Variants in PTPRT observed in about 807,000 individuals in gnomAD.
PTPRT encodes the protein protein tyrosine phosphatase receptor type T.
A neutral mutation model predicts 176.8 loss-of-function variants in PTPRT; 56 were observed. The ratio of observed to expected loss-of-function variants is 0.32; its 90% CI spans 0.26 to 0.40. The LOEUF (loss-of-function observed/expected upper bound fraction) is 0.40. PTPRT is among the 10% of genes least tolerant of loss of function. PTPRT has a pLI of 1.00. For missense variants in PTPRT, 1,540 were observed against 1,908.2 expected (o/e 0.81, Z 3.60); for synonymous variants, 783 against 739.0 (o/e 1.06, Z -0.96).
intron 1 of PTPRT, among the ~76,000 whole-genome samples, chr20:43,079,295 A>C (rs2011373968): frequency 6.7e-6 from 1 of 148,498 alleles, no homozygotes; most frequent in Non-Finnish European, 1.5e-5. Flanking sequence ...CCTTCAGTCA[A>C]CTCTCAGGAT....
intron 13 of PTPRT, among the ~76,000 whole-genome samples, chr20:42,278,581 T>G (rs2057086998): frequency 6.6e-6 from 1 of 151,948 alleles, no homozygotes; most frequent in African/African-American, 2.4e-5. Context: ...AGGACATCAG[T>G]GGGTAAGAGA....
chr20:42,545,236 G>A (rs140923536), intron 7 of PTPRT, among the ~76,000 whole-genome samples: 3 of 152,240 alleles, frequency 2.0e-5, no homozygotes, highest in African/African-American at 7.2e-5. Flanking sequence ...CCGTAGTACC[G>A]GTCAAGCCAC....
At chr20:42,959,029 C>T (rs933060351) in intron 1 of PTPRT, among the ~76,000 whole-genome samples, 1 of 152,294 alleles carries the variant, frequency 6.6e-6, no homozygotes, top group East Asian at 1.9e-4. Context: ...CAACTCATTT[C>T]TCAACTATTC....
intron 1 of PTPRT, among the ~76,000 whole-genome samples, chr20:42,905,479 T>G (rs369361368): frequency 6.6e-6 from 1 of 152,158 alleles, no homozygotes; most frequent in African/African-American, 2.4e-5. Context: ...GGAGTGTAAA[T>G]TAGTTCAACC....
intron 11 of PTPRT, among the ~76,000 whole-genome samples, chr20:42,350,236 T>C (rs1187559415): frequency 1.4e-5 from 2 of 142,984 alleles, no homozygotes; most frequent in Non-Finnish European, 3.1e-5. Context: ...TTTTTTTTTT[T>C]TTTTTTTTTT....
At chr20:42,095,116 A>G (rs1029434467) in intron 27 of PTPRT, among the ~76,000 whole-genome samples, 6 of 151,810 alleles carry the variant, frequency 4.0e-5, no homozygotes, top group African/African-American at 1.5e-4. Context: ...AGTTCAACCA[A>G]CCTCACCTGC....
intron 15 of PTPRT, among the ~76,000 whole-genome samples, chr20:42,228,626 T>C (rs2056070238): frequency 6.6e-6 from 1 of 152,190 alleles, no homozygotes; most frequent in African/African-American, 2.4e-5. Context: ...TAGGCCAAAA[T>C]AAGTGAACAT....
intron 2 of PTPRT, among the ~76,000 whole-genome samples, chr20:42,834,689 A>ACC (rs2078151046): frequency 6.6e-6 from 1 of 152,024 alleles, no homozygotes; most frequent in Admixed American, 6.6e-5. Flanking sequence ...AATTCACCGT[A>ACC]CCCCACCACC....
intron 1 of PTPRT, among the ~76,000 whole-genome samples, chr20:43,064,887 T>C (rs1018586688): frequency 2.6e-5 from 4 of 152,182 alleles, no homozygotes; most frequent in African/African-American, 2.4e-5. Context: ...AAAACAGAGC[T>C]TATTTCTAGA....
At chr20:42,810,208 C>A (rs995364585) in intron 2 of PTPRT, among the ~76,000 whole-genome samples, 3 of 152,082 alleles carry the variant, frequency 2.0e-5, no homozygotes, top group Admixed American at 6.5e-5. Flanking sequence ...GCAGAAGAAT[C>A]GCTTGAACCC....
At chr20:42,307,189 T>A (rs570051702) in intron 12 of PTPRT, among the ~76,000 whole-genome samples, 1 of 152,334 alleles carries the variant, frequency 6.6e-6, no homozygotes, top group African/African-American at 2.4e-5. Flanking sequence ...AGTGTGGCCA[T>A]GTGGTTAGCC....
At chr20:42,096,742 C>G (rs1006515614) in intron 27 of PTPRT, among the ~76,000 whole-genome samples, 1 of 150,992 alleles carries the variant, frequency 6.6e-6, no homozygotes, top group East Asian at 1.9e-4. Context: ...TGGCACCATG[C>G]CTGGCTAATT....
rs760752131 is a variant in PTPRT at position 42,076,519 on chromosome 20, G to A, written c.*4360C>T. 33 of 204,536 alleles carry A rather than the reference G, an allele frequency of 1.6e-4. No individual in the cohort carries two copies. Among genetic ancestry groups the A allele is most frequent in the Non-Finnish European group, 3.1e-4 (31 of 99,936 alleles). The allele number at this position is 204,536 out of a possible 1,614,324, so 12.7% of individuals were successfully genotyped here. A position where few individuals can be genotyped will look rare whatever the true frequency, so the allele number is the denominator to read the frequency against. ...CCCAACTGGAAGATGCCTTAGTTGAGGTCCCCTCATGAACAGTGAGGTCAG... is the reference window on the plus strand; with the variant it reads ...CCCAACTGGAAGATGCCTTAGTTGAAGTCCCCTCATGAACAGTGAGGTCAG... On this transcript the variant is annotated 3_prime_UTR_variant, in exon 31 of 31. Coordinates refer to ENST00000373187, the MANE Select transcript of PTPRT (RefSeq NM_007050.6).
chr20:42,684,422 A>G (rs1221495643), intron 6 of PTPRT, among the ~76,000 whole-genome samples: 1 of 152,192 alleles, frequency 6.6e-6, no homozygotes, highest in Non-Finnish European at 1.5e-5. Flanking sequence ...TCTTACTTAA[A>G]TGGGTAGAAA....
chr20:42,405,910 C>T (rs2058956824), intron 9 of PTPRT, among the ~76,000 whole-genome samples: 1 of 152,124 alleles, frequency 6.6e-6, no homozygotes, highest in Admixed American at 6.6e-5. Context: ...CATTTCTAAT[C>T]ATAATATAAT....
intron 7 of PTPRT, among the ~76,000 whole-genome samples, chr20:42,596,069 C>G (rs1001338101): frequency 6.6e-6 from 1 of 152,186 alleles, no homozygotes; most frequent in Non-Finnish European, 1.5e-5. Context: ...CATTCATCCA[C>G]TGGTAATAAA....
chr20:42,933,345 T>C (rs1979982471), intron 1 of PTPRT, among the ~76,000 whole-genome samples: 1 of 152,174 alleles, frequency 6.6e-6, no homozygotes, highest in Non-Finnish European at 1.5e-5. Context: ...ATCAATTTGG[T>C]CTCCCACAGA....
Position 42,588,587 on chromosome 20 carries a change from A to C in PTPRT, c.1153+89279T>G, listed in dbSNP as rs111994462. On this transcript the variant is annotated intron_variant, in intron 7 of 30. Transcript: ENST00000373187. ...AAGAATGTAAAATGTATCATTAATA[A>C]GTTTTTAATGATTATGCATTTAAAT... Among the ~76,000 whole-genome samples the C allele has an allele frequency of 3.5e-3, 533 of 152,366 alleles. 2 individuals carry two copies. The highest frequency in any genetic ancestry group is 0.012 in the African/African-American group (485 of 41,588).
chr20:43,021,435 C>T (rs1325645878), intron 1 of PTPRT, among the ~76,000 whole-genome samples: 2 of 152,144 alleles, frequency 1.3e-5, no homozygotes, highest in African/African-American at 4.8e-5. Flanking sequence ...AGAGTCCACA[C>T]TGGAGCCCAC....
Sources: gnomAD v4.1 joint callset for allele counts (sites outside exome capture counted in the v4.1 genomes callset) on GRCh38, gnomAD v4.1.1 for gene constraint, MANE v1.5 for transcripts, NCBI Gene and HGNC (gene_info 2026-07-23, HGNC 2026-07-21) for gene names.